SERPINA4: variants seen among roughly 807,000 people sequenced by gnomAD.
SERPINA4 encodes the protein kallistatin.
SERPINA4 carries 24 observed loss-of-function variants against 25.4 expected under a neutral mutation model. That is an observed-to-expected ratio of 0.95 (90% confidence interval 0.69 to 1.33). The LOEUF (loss-of-function observed/expected upper bound fraction) is 1.33, where lower values mean the gene tolerates loss of function less well. Ranked by LOEUF, SERPINA4 falls within the 40% of genes most tolerant of loss-of-function variation. SERPINA4 has a pLI of 0.00. For missense variants in SERPINA4, 553 were observed against 535.8 expected (o/e 1.03, Z -0.32); for synonymous variants, 242 against 223.6 (o/e 1.08, Z -0.73).
At chr14:94,564,180 A>G (rs1305046735) in intron 2 of SERPINA4, 49 bp downstream of exon 2, 1 of 1,557,772 alleles carries the variant, frequency 6.4e-7, no homozygotes, top group East Asian at 2.3e-5. Flanking sequence ...ACCGCCTCCA[A>G]CCCACTAATT....
intron 2 of SERPINA4, among the ~76,000 whole-genome samples, chr14:94,566,324 T>A (rs1020050912): frequency 6.6e-6 from 1 of 152,250 alleles, no homozygotes; most frequent in Non-Finnish European, 1.5e-5. Context: ...TTGATATCTC[T>A]ACACTGTCCA....
chr14:94,567,532 TG>T (rs1357091345), intron 3 of SERPINA4, among the ~76,000 whole-genome samples: 2 of 152,168 alleles, frequency 1.3e-5, no homozygotes, highest in African/African-American at 4.8e-5. Context: ...TCTTCCTCTC[TG>T]GGGGGTTACC....
In SERPINA4 at chr14:94,569,811, A is replaced by T; in HGVS notation, c.*216A>T. 1.7e-6 allele frequency: 1 copy of T among 589,658 alleles called. No homozygotes were observed. The highest frequency in any genetic ancestry group is 3.0e-6 in the Non-Finnish European group (1 of 332,626). 36.5% of individuals were successfully genotyped at this position (589,658 alleles called of 1,614,324 possible). On this transcript the variant is annotated 3_prime_UTR_variant, in exon 5 of 5. Transcript: ENST00000557004. Reference sequence around the variant, plus strand: ...GGTGCTGTGCAGCCTCTGGCAGAGCATCCGACCTCTTGGAGCAAGTTTCTG... The same window carrying T: ...GGTGCTGTGCAGCCTCTGGCAGAGCTTCCGACCTCTTGGAGCAAGTTTCTG...
At chr14:94,566,635 C>T (rs1902220943) in intron 2 of SERPINA4, among the ~76,000 whole-genome samples, 1 of 152,174 alleles carries the variant, frequency 6.6e-6, no homozygotes, top group Admixed American at 6.5e-5. Flanking sequence ...TCTGCTCACA[C>T]TCTGCCATCT....
At chr14:94,564,425 C>G (rs1023191328) in intron 2 of SERPINA4, among the ~76,000 whole-genome samples, 8 of 152,196 alleles carry the variant, frequency 5.3e-5, no homozygotes, top group Non-Finnish European at 2.9e-5. Flanking sequence ...TGAGCTCAGC[C>G]TCTACCAACA....
At position 94,563,878 on chromosome 14, in the gene SERPINA4, C is replaced by A; in HGVS notation, c.396C>A (p.Gly132=). ...TCCTGCACACTCTCAACCTCCCCGG[C>A]CATGGGCTGGAAACACGCGTGGGCA... ...QHLLHTLNLP[G]HGLETRVGSA... Residue 132 remains glycine (G), a synonymous_variant, in exon 2 of 5, where the codon GGC becomes GGA. Transcript: ENST00000557004. The A allele has an allele frequency of 6.2e-7, 1 of 1,614,162 alleles. No individual in the cohort carries two copies. Among genetic ancestry groups the A allele is most frequent in the South Asian group, 1.1e-5 (1 of 91,074 alleles).
chr14:94,568,296 G>T lies in SERPINA4; in HGVS notation c.1083+8G>T. 1.2e-6 allele frequency: 2 copies of T among 1,614,090 alleles called. No homozygotes were observed. Among genetic ancestry groups the T allele is most frequent in the East Asian group, 4.5e-5 (2 of 44,874 alleles). On this transcript the variant is annotated splice_region_variant and intron_variant, in intron 4 of 4. Coordinates refer to ENST00000557004, the MANE Select transcript of SERPINA4 (RefSeq NM_006215.4). Reference sequence around the variant, plus strand: ...AAACTGGAGGCATCCAAAGTAAGTCGTCAACAGTCAGCAATCCCTAGAGAA... The same window carrying T: ...AAACTGGAGGCATCCAAAGTAAGTCTTCAACAGTCAGCAATCCCTAGAGAA...
rs910354 is a variant in SERPINA4, at chr14:94,562,806, C to T, written c.-17-660C>T. 4.5e-3 allele frequency among the ~76,000 whole-genome samples: 683 copies of T among 152,170 alleles called. 10 individuals carry two copies. The highest frequency in any genetic ancestry group is 0.015 in the African/African-American group (641 of 41,518). On this transcript the variant is annotated intron_variant, in intron 1 of 4. Transcript: ENST00000557004. ...TCTTGGACAGATGTTCATTATGAAA[C>T]GGGTACCAATTCTATCCCCACAACT...
intron 3 of SERPINA4, among the ~76,000 whole-genome samples, chr14:94,567,718 G>T (rs1007476997): frequency 7.2e-5 from 11 of 152,172 alleles, no homozygotes; most frequent in African/African-American, 2.4e-4. Context: ...CTAGCCCAAG[G>T]GCACATGTGG....
In SERPINA4 at chr14:94,567,055, G is replaced by C; in HGVS notation, c.735G>C (p.Met245Ile). ...VDENTTVRVP[M>I]MLQDQEHHWY... is the part of the protein sequence containing the mutation. ...AGAACACAACAGTCCGGGTGCCCATGATGCTGCAGGACCAGGAGCATCACT... is the reference window on the plus strand; with the variant it reads ...AGAACACAACAGTCCGGGTGCCCATCATGCTGCAGGACCAGGAGCATCACT... The change falls in exon 3 of 5, where the codon ATG becomes ATC. Residue 245 changes from methionine (M) to isoleucine (I), a missense_variant. Met to Ile is a conservative substitution (Grantham distance 10, BLOSUM62 1). Transcript: ENST00000557004. 2 of 1,614,232 alleles carry C rather than the reference G, an allele frequency of 1.2e-6. No individual in the cohort carries two copies. Among genetic ancestry groups the C allele is most frequent in the Non-Finnish European group, 1.7e-6 (2 of 1,180,056 alleles).
intron 3 of SERPINA4, among the ~76,000 whole-genome samples, chr14:94,567,881 C>T (rs1474228416): frequency 1.3e-5 from 2 of 152,222 alleles, no homozygotes; most frequent in Non-Finnish European, 2.9e-5. Flanking sequence ...CACCTGAACA[C>T]CCACAGGAAG....
At chr14:94,565,073 T>A (rs924083162) in intron 2 of SERPINA4, among the ~76,000 whole-genome samples, 3 of 152,128 alleles carry the variant, frequency 2.0e-5, no homozygotes, top group Admixed American at 1.3e-4. Flanking sequence ...ATTATAGGAA[T>A]TAGGCCCCAC....
intron 2 of SERPINA4, among the ~76,000 whole-genome samples, chr14:94,566,057 G>A (rs12586297): frequency 0.27 from 41,204 of 151,858 alleles, 5,826 homozygotes; most frequent in South Asian, 0.36. Context: ...ACTGCACATC[G>A]CCTCCTGTAT....
chr14:94,568,120 C>A lies in SERPINA4; in HGVS notation c.924-9C>A. On this transcript the variant is annotated splice_polypyrimidine_tract_variant and intron_variant, in intron 3 of 4. Coordinates refer to ENST00000557004, the MANE Select transcript of SERPINA4 (RefSeq NM_006215.4). ...TTAATCTAATGTTCTAACTCAATGC[C>A]CCTTTCAGGAATTTTTACAAGAAGC... is the stretch of plus-strand genomic sequence containing the variant. The A allele has an allele frequency of 1.2e-6, 2 of 1,614,068 alleles. No individual in the cohort carries two copies. Among genetic ancestry groups the A allele is most frequent in the Non-Finnish European group, 1.7e-6 (2 of 1,179,940 alleles).
chr14:94,566,866 A>T (rs1397893035), intron 2 of SERPINA4, 104 bp from the exon 3 acceptor site: 3 of 1,353,876 alleles, frequency 2.2e-6, no homozygotes, highest in East Asian at 4.6e-5. Context: ...CAGGATCTGG[A>T]GCGACTGTTT....
intron 3 of SERPINA4, among the ~76,000 whole-genome samples, chr14:94,567,628 C>T (rs192083858): frequency 9.5e-4 from 145 of 152,276 alleles, no homozygotes; most frequent in African/African-American, 3.4e-3. Flanking sequence ...CATCCACCTA[C>T]CCAAGGAATT....
chr14:94,563,920 C>T lies in SERPINA4; in HGVS notation c.438C>T (p.Ser146=), dbSNP rs1417488649. 2 of 1,614,200 alleles carry T rather than the reference C, an allele frequency of 1.2e-6. No homozygotes were observed. The highest frequency in any genetic ancestry group is 1.1e-5 in the South Asian group (1 of 91,082). The part of the protein sequence containing the change: ...ETRVGSALFL[S]HNLKFLAKFL... ...GCGTGGGCAGTGCTCTGTTCCTGAG[C>T]CACAACCTGAAGTTCCTTGCAAAAT... The change falls in exon 2 of 5, where the codon AGC becomes AGT. Residue 146 remains serine, a synonymous_variant. Transcript: ENST00000557004.
chr14:94,568,270 A>G lies in SERPINA4; in HGVS notation c.1065A>G (p.Gln355=), dbSNP rs770327610. ...ACTTATCCGGCATCACCAAACAGCA[A>G]AAACTGGAGGCATCCAAAGTAAGTC... ...WADLSGITKQ[Q]KLEASKSFHK... Residue 355 remains glutamine (Q), a synonymous_variant, in exon 4 of 5, where the codon CAA becomes CAG. Transcript: ENST00000557004. 6.2e-7 allele frequency: 1 copy of G among 1,614,230 alleles called. No individual in the cohort carries two copies. The highest frequency in any genetic ancestry group is 1.1e-5 in the South Asian group (1 of 91,086).
chr14:94,569,784 C>T lies in SERPINA4; in HGVS notation c.*189C>T. 1 of 623,866 alleles carries T rather than the reference C, an allele frequency of 1.6e-6. No homozygotes were observed. Among genetic ancestry groups the T allele is most frequent in the Non-Finnish European group, 2.8e-6 (1 of 358,266 alleles). 38.6% of individuals were successfully genotyped at this position (623,866 alleles called of 1,614,324 possible). On this transcript the variant is annotated 3_prime_UTR_variant, in exon 5 of 5. Transcript: ENST00000557004. ...GGGCAGGGCCTGGACATTCCACACC[C>T]TGGTGCTGTGCAGCCTCTGGCAGAG...
Sources: gnomAD v4.1 joint callset for allele counts (sites outside exome capture counted in the v4.1 genomes callset) on GRCh38, gnomAD v4.1.1 for gene constraint, MANE v1.5 for transcripts, NCBI Gene and HGNC (gene_info 2026-07-23, HGNC 2026-07-21) for gene names.